The following ZNF214 variants were observed in gnomAD, a reference collection of about 807,000 sequenced individuals.
ZNF214 encodes BWSCR2-associated zinc finger protein 1.
Under a neutral mutation model 53.9 loss-of-function variants are expected in ZNF214, and 43 were observed. The observed-to-expected ratio is 0.80, with a 90% CI of 0.63 to 1.03. ZNF214 has a LOEUF of 1.03. Ranked by LOEUF, ZNF214 falls within the 50% of genes least tolerant of loss-of-function variation. The probability of loss-of-function intolerance (pLI) is 0.00; values close to 1 mark genes in which losing one functional copy is unlikely to be tolerated. For synonymous variants in ZNF214, 217 were observed against 229.5 expected (o/e 0.95, Z 0.49); for missense variants, 724 against 719.1 (o/e 1.01, Z -0.08).
At chr11:7,014,287 G>T (rs991319942) in intron 1 of ZNF214, among the ~76,000 whole-genome samples, 20 of 152,138 alleles carry the variant, frequency 1.3e-4, no homozygotes. Context: ...TATACCAAAA[G>T]ATCTGTACAA....
At chr11:7,014,719 C>T (rs1466303736) in intron 1 of ZNF214, among the ~76,000 whole-genome samples, 2 of 151,218 alleles carry the variant, frequency 1.3e-5, no homozygotes, top group African/African-American at 4.9e-5. Context: ...ATAATCCCAG[C>T]ACTTTGGGAG....
At chr11:7,013,085 G>A (rs756449688) in intron 1 of ZNF214, among the ~76,000 whole-genome samples, 1 of 152,114 alleles carries the variant, frequency 6.6e-6, no homozygotes, top group East Asian at 1.9e-4. Flanking sequence ...TTTTCTCCAC[G>A]TGGTCCTTTC....
chr11:7,019,206 T>C (rs937691451), intron 1 of ZNF214, among the ~76,000 whole-genome samples: 17 of 152,136 alleles, frequency 1.1e-4, no homozygotes, highest in African/African-American at 3.6e-4. Context: ...CCCAAATTCA[T>C]TAAATTTCCC....
chr11:6,999,192 G>T lies in ZNF214; in HGVS notation c.*670C>A, dbSNP rs543905460. 1 of 152,090 alleles carries T rather than the reference G, an allele frequency of 6.6e-6. No individual in the cohort carries two copies. Among genetic ancestry groups the T allele is most frequent in the South Asian group, 2.1e-4 (1 of 4,824 alleles). 9.4% of individuals were successfully genotyped at this position (152,090 alleles called of 1,614,324 possible). On this transcript the variant is annotated 3_prime_UTR_variant, in exon 3 of 3. Coordinates refer to ENST00000278314, the MANE Select transcript of ZNF214 (RefSeq NM_013249.4). ...ATTATTAAGCGTGGAAAACCGGAAA[G>T]GGAAGGGATGAGTGCACTGTAGTCA...
chr11:7,010,463 T>C (rs1416950291), intron 1 of ZNF214, among the ~76,000 whole-genome samples: 1 of 151,924 alleles, frequency 6.6e-6, no homozygotes, highest in Non-Finnish European at 1.5e-5. Flanking sequence ...AAACTACCTA[T>C]CTGGTACTAT....
At chr11:7,003,565 T>A (rs1437245288) in intron 1 of ZNF214, among the ~76,000 whole-genome samples, 1 of 152,036 alleles carries the variant, frequency 6.6e-6, no homozygotes, top group Non-Finnish European at 1.5e-5. Flanking sequence ...AAGACTAAGT[T>A]ACTTGTATAA....
chr11:7,017,747 A>AG (rs1271194142), intron 1 of ZNF214, among the ~76,000 whole-genome samples: 1 of 152,068 alleles, frequency 6.6e-6, no homozygotes, highest in Non-Finnish European at 1.5e-5. Flanking sequence ...TCAAAAAAAA[A>AG]AAAAGCAAAC....
intron 2 of ZNF214, among the ~76,000 whole-genome samples, chr11:7,002,457 A>G (rs7932579): frequency 0.62 from 93,882 of 151,812 alleles, 29,310 homozygotes; most frequent in East Asian, 0.74. Flanking sequence ...AATTGACTAC[A>G]TATGGAGATA....
At chr11:7,018,495 C>CTTTTTTTTTTTTTTTTTTT (rs55641448) in intron 1 of ZNF214, among the ~76,000 whole-genome samples, 3 of 61,876 alleles carry the variant, frequency 4.8e-5, no homozygotes, top group African/African-American at 6.2e-5. Flanking sequence ...AATGTTAAGA[C>CTTTTTTTTTTTTTTTTTTT]TTTTTTTTTT....
intron 1 of ZNF214, among the ~76,000 whole-genome samples, chr11:7,010,539 G>T (rs2133404417): frequency 6.6e-6 from 1 of 150,536 alleles, no homozygotes. Flanking sequence ...ATATAACAAA[G>T]CTGTATATAT....
At chr11:7,017,602 G>A (rs546572540) in intron 1 of ZNF214, among the ~76,000 whole-genome samples, 86 of 152,162 alleles carry the variant, frequency 5.7e-4, no homozygotes, top group Non-Finnish European at 9.1e-4. Flanking sequence ...AGCTGGGCAT[G>A]GTGGCGTGCA....
chr11:6,999,822 G>A lies in ZNF214; in HGVS notation c.*40C>T. On this transcript the variant is annotated 3_prime_UTR_variant, in exon 3 of 3. Transcript: ENST00000278314. ...CAGGATTTATAGGGTTTAAAGGTTAGGTAAACTTTGATTAAAGCTGTTAAC... is the reference window on the plus strand; with the variant it reads ...CAGGATTTATAGGGTTTAAAGGTTAAGTAAACTTTGATTAAAGCTGTTAAC... 1 of 1,547,700 alleles carries A rather than the reference G, an allele frequency of 6.5e-7. No individual in the cohort carries two copies. Among genetic ancestry groups the A allele is most frequent in the Non-Finnish European group, 8.7e-7 (1 of 1,148,730 alleles).
rs1851595914 is a variant in ZNF214, at chr11:7,011,031, T to G, written c.-20-8176A>C. 3.3e-5 allele frequency among the ~76,000 whole-genome samples: 5 copies of G among 151,878 alleles called. No individual in the cohort carries two copies. In the South Asian group the frequency reaches 1.0e-3, roughly 32 times the overall value. On this transcript the variant is annotated intron_variant, in intron 1 of 2. Coordinates refer to ENST00000278314, the MANE Select transcript of ZNF214 (RefSeq NM_013249.4). ...ACTAGTAAGTACTAAATTAAAATGGTAGCCATGCTCTTCCTCCCTCTCCCT... is the reference window on the plus strand; with the variant it reads ...ACTAGTAAGTACTAAATTAAAATGGGAGCCATGCTCTTCCTCCCTCTCCCT...
Position 7,000,937 on chromosome 11 carries a change from C to T in ZNF214, c.746G>A (p.Cys249Tyr). 2.5e-6 allele frequency: 4 copies of T among 1,613,012 alleles called. No individual in the cohort carries two copies. The highest frequency in any genetic ancestry group is 2.5e-6 in the Non-Finnish European group (3 of 1,179,546). ...AGAGAAGCATGCTTTACAGATGGAGCATTGACAGAGGTTTTCTCCAGGTTG... is the reference window on the plus strand; with the variant it reads ...AGAGAAGCATGCTTTACAGATGGAGTATTGACAGAGGTTTTCTCCAGGTTG... ...RNQPGENLCQ[C>Y]SICKACFSQR... The change falls in exon 3 of 3, where the codon TGC (cysteine) becomes TAC (tyrosine). Residue 249 changes from cysteine (C) to tyrosine (Y), a missense_variant. Coordinates refer to ENST00000278314, the MANE Select transcript of ZNF214 (RefSeq NM_013249.4).
At chr11:7,008,470 G>C (rs1461539522) in intron 1 of ZNF214, among the ~76,000 whole-genome samples, 1 of 151,842 alleles carries the variant, frequency 6.6e-6, no homozygotes, top group Non-Finnish European at 1.5e-5. Flanking sequence ...ACCCCAGCTA[G>C]ACTAACATCA....
chr11:7,009,614 G>T (rs775529838), intron 1 of ZNF214, among the ~76,000 whole-genome samples: 10 of 152,120 alleles, frequency 6.6e-5, no homozygotes, highest in Non-Finnish European at 2.9e-5. Flanking sequence ...CACAGCAAAA[G>T]AAACTATCAA....
At chr11:7,013,817 G>A (rs1851676769) in intron 1 of ZNF214, among the ~76,000 whole-genome samples, 1 of 152,198 alleles carries the variant, frequency 6.6e-6, no homozygotes, top group African/African-American at 2.4e-5. Context: ...TCATGGTAAA[G>A]TGGTAGTTTA....
intron 1 of ZNF214, among the ~76,000 whole-genome samples, chr11:7,003,197 A>G (rs985902237): frequency 1.3e-5 from 2 of 152,030 alleles, no homozygotes; most frequent in African/African-American, 4.8e-5. Flanking sequence ...AACTGCCTAA[A>G]GTAATTATTT....
At chr11:7,010,543 T>G (rs1317712864) in intron 1 of ZNF214, among the ~76,000 whole-genome samples, 1 of 151,276 alleles carries the variant, frequency 6.6e-6, no homozygotes, top group Non-Finnish European at 1.5e-5. Flanking sequence ...AACAAAGCTG[T>G]ATATATAACC....
Sources: allele counts gnomAD v4.1 joint callset (sites outside exome capture counted in the v4.1 genomes callset), GRCh38; gene constraint gnomAD v4.1.1; transcripts MANE v1.5; gene names NCBI Gene and HGNC (gene_info 2026-07-23, HGNC 2026-07-21).